The following CAPRIN2 variants were observed in gnomAD, a reference collection of about 807,000 sequenced individuals.
The protein encoded by CAPRIN2 is caprin-2.
Under a neutral mutation model 130.4 loss-of-function variants are expected in CAPRIN2, and 66 were observed. The ratio of observed to expected loss-of-function variants is 0.51; its 90% CI spans 0.42 to 0.62. The LOEUF is 0.62. CAPRIN2 is among the 20% of genes least tolerant of loss of function. The pLI, the probability that CAPRIN2 is intolerant of heterozygous loss-of-function variation, is 0.00. For missense variants in CAPRIN2, 1,185 were observed against 1,246.6 expected (o/e 0.95, Z 0.74); for synonymous variants, 471 against 444.1 (o/e 1.06, Z -0.76).
Position 30,720,839 on chromosome 12 carries a change from GTTTC to G in CAPRIN2, c.2116_2119del (p.Glu706GlnfsTer4). 1 of 1,612,744 alleles carries G rather than the reference GTTTC, an allele frequency of 6.2e-7. No homozygotes were observed. The highest frequency in any genetic ancestry group is 1.3e-5 in the African/African-American group (1 of 75,000). On this transcript the variant is annotated frameshift_variant, in exon 12 of 17. Coordinates refer to ENST00000298892, the Ensembl canonical transcript of CAPRIN2. LOFTEE classifies it high-confidence loss of function. ...AGGAGTCTCTGAGGTCATAAACTCT[GTTTC>G]AGATCCAGAAGAAGCCTGATCGGTA... is the stretch of plus-strand genomic sequence containing the variant.
At chr12:30,721,007 C>A in intron 11 of CAPRIN2, 92 bp from the exon 13 acceptor site, 1 of 813,354 alleles carries the variant, frequency 1.2e-6, no homozygotes, top group Admixed American at 1.9e-5. Context: ...GTTACTCTTA[C>A]TGAACACGCA....
chr12:30,712,555 T>G (rs1411494609), intron 15 of CAPRIN2, among the ~76,000 whole-genome samples: 3 of 152,126 alleles, frequency 2.0e-5, no homozygotes, highest in African/African-American at 7.2e-5. Flanking sequence ...CTTAGGTGCT[T>G]TAGTTCATTT....
exon 1 of CAPRIN2, chr12:30,754,442 C>T (rs1209629319): frequency 6.5e-6 from 1 of 152,800 alleles, no homozygotes; most frequent in Admixed American, 6.5e-5. Flanking sequence ...CGCGCACCCC[C>T]TCAAGTCTCC....
chr12:30,728,975 T>C, exon 8 of CAPRIN2: 3 of 1,614,208 alleles, frequency 1.9e-6, no homozygotes, highest in Middle Eastern at 1.7e-4. Flanking sequence ...TTTGTTCCTC[T>C]TGAACATACC....
At chr12:30,732,677 C>A (rs1683583830) in intron 5 of CAPRIN2, among the ~76,000 whole-genome samples, 1 of 152,032 alleles carries the variant, frequency 6.6e-6, no homozygotes. Context: ...TTTCACTCAG[C>A]ATAATTATTT....
At position 30,731,448 on chromosome 12, in the gene CAPRIN2, C is replaced by G. The variant is rs770959421; in HGVS notation, c.955G>C (p.Val319Leu). 1.2e-5 allele frequency: 19 copies of G among 1,612,906 alleles called. No homozygotes were observed. The Admixed American group carries it at 1.5e-4, about 13-fold the overall frequency. The change falls in exon 6 of 17, where the codon GTT becomes CTT. Residue 319 changes from valine to leucine, a missense_variant. By Grantham distance (32) the Val-to-Leu change is conservative. Around this residue, in one of 2 missense-constraint regions of CAPRIN2, gnomAD observed 1,104 missense variants for 1,104.3 expected, o/e 1.00. Coordinates refer to ENST00000298892, the Ensembl canonical transcript of CAPRIN2. ...TCCTTTTCCTTGGCATTTTTGGGAA[C>G]TGGGATACTTTCAAAATAGCCTGAG...
exon 15 of CAPRIN2, chr12:30,713,786 C>G: frequency 1.3e-6 from 2 of 1,568,572 alleles, no homozygotes; most frequent in Non-Finnish European, 1.8e-6. Flanking sequence ...CTTACTTACC[C>G]TTTGGGAATA....
In CAPRIN2 at chr12:30,719,216, G is replaced by A. The variant is rs754796596; in HGVS notation, c.2148+1595C>T. On this transcript the variant is annotated intron_variant, in intron 12 of 16. Coordinates refer to ENST00000298892, the Ensembl canonical transcript of CAPRIN2. ...AGTGAAGACGGTTGCTTGCCTGGGG[G>A]AATTGCTGCCTGGGGAGGAGAAATG... 4 of 1,613,846 alleles carry A rather than the reference G, an allele frequency of 2.5e-6. No homozygotes were observed. In the Admixed American group the frequency reaches 5.0e-5, roughly 20 times the overall value.
intron 14 of CAPRIN2, among the ~76,000 whole-genome samples, chr12:30,714,465 C>G (rs2056695840): frequency 1.3e-5 from 2 of 152,138 alleles, no homozygotes; most frequent in Non-Finnish European, 2.9e-5. Context: ...TGACAGGCGT[C>G]AGCCACCACA....
chr12:30,721,931 T>C (rs921096273), intron 11 of CAPRIN2, among the ~76,000 whole-genome samples: 1 of 152,200 alleles, frequency 6.6e-6, no homozygotes, highest in African/African-American at 2.4e-5. Flanking sequence ...ATTAGAACCA[T>C]TATAAGATTA....
intron 2 of CAPRIN2, among the ~76,000 whole-genome samples, chr12:30,750,746 T>TA (rs763900063): frequency 6.0e-4 from 92 of 152,318 alleles, no homozygotes; most frequent in Non-Finnish European, 1.2e-3. Context: ...AGCTGAAAGG[T>TA]AGAGTATGCC....
chr12:30,725,278 G>C (rs1278486951), intron 9 of CAPRIN2, among the ~76,000 whole-genome samples: 1 of 152,144 alleles, frequency 6.6e-6, no homozygotes, highest in African/African-American at 2.4e-5. Context: ...CATTTGCAGG[G>C]AGCATTTTAG....
At position 30,747,982 on chromosome 12, in the gene CAPRIN2, T is replaced by C. The variant is rs555555346; in HGVS notation, c.483+3089A>G. On this transcript the variant is annotated intron_variant, in intron 2 of 16. Transcript: ENST00000298892. The stretch of plus-strand genomic sequence containing the variant: ...GAACTACAAGTAGAGCCTGAAGATA[T>C]GACTAACTGCTGCAATCTCAGGATA... 8.5e-4 allele frequency among the ~76,000 whole-genome samples: 130 copies of C among 152,314 alleles called. 1 individual carries two copies. Among genetic ancestry groups the C allele is most frequent in the African/African-American group, 3.1e-3 (127 of 41,568 alleles).
chr12:30,723,131 T>C (rs922210480), intron 11 of CAPRIN2, 128 bp downstream of exon 12: 4 of 667,844 alleles, frequency 6.0e-6, no homozygotes, highest in Admixed American at 5.1e-5. Flanking sequence ...TCTACAAAAC[T>C]AGATATGCTT....
At chr12:30,729,092 G>A in exon 8 of CAPRIN2, 1 of 1,614,050 alleles carries the variant, frequency 6.2e-7, no homozygotes, top group African/African-American at 1.3e-5. Context: ...TGAGTTTTGA[G>A]GTGTCTTGTT....
intron 10 of CAPRIN2, 59 bp from the exon 12 acceptor site, chr12:30,723,373 A>G: frequency 2.5e-6 from 3 of 1,203,850 alleles, no homozygotes; most frequent in Non-Finnish European, 3.7e-6. Flanking sequence ...ACGCATATCA[A>G]CTAGGAGGAA....
chr12:30,723,209 G>C (rs1480574373), intron 11 of CAPRIN2, 50 bp downstream of exon 12: 2 of 1,267,580 alleles, frequency 1.6e-6, no homozygotes, highest in Admixed American at 3.4e-5. Context: ...TCCAAAGCAA[G>C]AGCTTCTTCC....
At chr12:30,729,286 T>C (rs771108380) in exon 8 of CAPRIN2, 9 of 1,593,136 alleles carry the variant, frequency 5.6e-6, no homozygotes, top group Middle Eastern at 1.7e-4. Flanking sequence ...CCTTGTTTGT[T>C]TGAATAATCT....
rs2054191150 is a variant in CAPRIN2, at chr12:30,710,902, A to G, written c.2666-432T>C. ...TTTTTAGAACTACTAGCCACTAGCC[A>G]TTCAGAGATATATTGATATGGAACT... On this transcript the variant is annotated intron_variant, in intron 16 of 16. Coordinates refer to ENST00000298892, the Ensembl canonical transcript of CAPRIN2. The surrounding 1 kb of genome is among the most constrained non-coding windows in gnomAD (Gnocchi z 4.8). Among the ~76,000 whole-genome samples the G allele has an allele frequency of 6.6e-6, 1 of 152,240 alleles. No individual in the cohort carries two copies. Among genetic ancestry groups the G allele is most frequent in the Admixed American group, 6.5e-5 (1 of 15,280 alleles).
Sources: gnomAD v4.1 joint callset for allele counts (sites outside exome capture counted in the v4.1 genomes callset) on GRCh38, gnomAD v4.1.1 for gene constraint, gnomAD v4.1.1 regional missense constraint, Gnocchi (gnomAD v3.1) non-coding constraint, MANE v1.5 for transcripts, NCBI Gene and HGNC (gene_info 2026-07-23, HGNC 2026-07-21) for gene names.